STXBP2: variants seen among roughly 807,000 people sequenced by gnomAD.
STXBP2 encodes syntaxin binding protein 2.
Under a neutral mutation model 72.2 loss-of-function variants are expected in STXBP2, and 47 were observed. The observed-to-expected ratio is 0.65, with a 90% CI of 0.51 to 0.83. STXBP2 has a LOEUF of 0.83. Ranked by LOEUF, STXBP2 falls within the 40% of genes least tolerant of loss-of-function variation. The pLI, the probability that STXBP2 is intolerant of heterozygous loss-of-function variation, is 0.00. For missense variants in STXBP2, 702 were observed against 807.6 expected, an observed-to-expected ratio of 0.87 and a Z score of 1.58; for synonymous variants, 367 against 338.7, an observed-to-expected ratio of 1.08 and a Z score of -0.92.
the STXBP2 span, chr19:7,630,728 G>A: frequency 2.4e-5 from 37 of 1,531,574 alleles, no homozygotes; most frequent in South Asian, 3.6e-4. Flanking sequence ...GCAGTCTGCT[G>A]GGGACTAATG....
chr19:7,631,792 C>T, the STXBP2 span: 2,336 of 1,419,004 alleles, frequency 1.6e-3, 23 homozygotes, highest in African/African-American at 0.029. Context: ...GGTCCCAGCT[C>T]GTTTCTGTGC....
At chr19:7,647,113 C>T (rs747946956) in intron 16 of STXBP2, 49 bp from the exon 17 acceptor site, 31 of 1,596,274 alleles carry the variant, frequency 1.9e-5, no homozygotes, top group African/African-American at 5.4e-5. Context: ...CTCCTGACCC[C>T]GGACCCCATG....
upstream of STXBP2, among the ~76,000 whole-genome samples, chr19:7,634,719 C>G (rs1011929379): frequency 6.6e-6 from 1 of 152,184 alleles, no homozygotes; most frequent in Non-Finnish European, 1.5e-5. Flanking sequence ...CCAGAGGCCA[C>G]AGCCTGAAAT....
the STXBP2 span, chr19:7,631,089 T>A: frequency 1.3e-6 from 1 of 741,536 alleles, no homozygotes; most frequent in Non-Finnish European, 2.1e-6. Context: ...GCGCCTATAA[T>A]TCCAGCTGCT....
At position 7,646,487 on chromosome 19, in the gene STXBP2, AG is replaced by A. The variant is rs140484308; in HGVS notation, c.1452+149del. The A allele has an allele frequency of 4.1e-3, 3,400 of 837,464 alleles. 60 individuals carry two copies. The African/African-American group carries it at 0.049, about 12-fold the overall frequency. 51.9% of individuals were successfully genotyped at this position (837,464 alleles called of 1,614,324 possible). A position where few individuals can be genotyped will look rare whatever the true frequency, so the allele number is the denominator to read the frequency against. On this transcript the variant is annotated intron_variant, in intron 16 of 18. Coordinates refer to ENST00000221283, the MANE Select transcript of STXBP2 (RefSeq NM_006949.4). ...CCCTTGGCACCGATCTGCTCTGCTG[AG>A]GGGGGCACGCCAAGCCCGCAGCTGA... is the stretch of plus-strand genomic sequence containing the variant.
In STXBP2 at chr19:7,642,237, T is replaced by C. The variant is rs373830051; in HGVS notation, c.698T>C (p.Met233Thr). Reference protein sequence around the residue: ...PEKTRSQLLIMDRAADPVSPL... With the variant: ...PEKTRSQLLITDRAADPVSPL... ...AAAACCCGCTCCCAGCTGCTGATAA[T>C]GGACCGGGCAGCTGACCCCGTGTCC... The change falls in exon 9 of 19, where the codon ATG (methionine) becomes ACG (threonine). Residue 233 changes from methionine to threonine, a missense_variant. Transcript: ENST00000221283. This position sits in a 1 kb window ranked among gnomAD's most constrained non-coding sequence, Gnocchi z 6.0. 3.1e-6 allele frequency: 5 copies of C among 1,614,126 alleles called. No homozygotes were observed. The highest frequency in any genetic ancestry group is 3.3e-4 in the Middle Eastern group (2 of 6,062).
chr19:7,640,214 GTC>G (rs1458130218), intron 4 of STXBP2: 7 of 547,328 alleles, frequency 1.3e-5, no homozygotes, highest in Admixed American at 1.1e-4. Context: ...GTATGTATGT[GTC>G]TGCGTCTGTG....
chr19:7,631,761 G>A, the STXBP2 span: 1 of 1,429,524 alleles, frequency 7.0e-7, no homozygotes, highest in Non-Finnish European at 9.2e-7. Context: ...CCTGAGGGGT[G>A]AGCAGGGGTT....
chr19:7,645,895 C>T, intron 15 of STXBP2: 2 of 394,272 alleles, frequency 5.1e-6, no homozygotes, highest in Non-Finnish European at 8.9e-6. Flanking sequence ...CCCCTCCCCT[C>T]TCCGTCCCCC....
upstream of STXBP2, among the ~76,000 whole-genome samples, chr19:7,635,651 G>A (rs772359894): frequency 1.3e-5 from 2 of 151,990 alleles, no homozygotes; most frequent in East Asian, 1.9e-4. Flanking sequence ...AGCTATGATC[G>A]TGCCACTGCC....
chr19:7,644,408 A>C, intron 13 of STXBP2: 3 of 595,374 alleles, frequency 5.0e-6, no homozygotes, highest in South Asian at 1.9e-5. Context: ...TGGGTGGGGC[A>C]CTGGAAAGGT....
chr19:7,642,267 T>G lies in STXBP2; in HGVS notation c.728T>G (p.Leu243Arg). ...CGGGCAGCTGACCCCGTGTCCCCAC[T>G]ACTGCATGAGCTCACGTTCCAGGCC... ...MDRAADPVSP[L>R]LHELTFQAMA... The change falls in exon 9 of 19, where the codon CTA (leucine) becomes CGA (arginine). Residue 243 changes from leucine (L) to arginine (R), a missense_variant. Coordinates refer to ENST00000221283, the MANE Select transcript of STXBP2 (RefSeq NM_006949.4). This position sits in a 1 kb window ranked among gnomAD's most constrained non-coding sequence, Gnocchi z 6.0. 1 of 1,614,094 alleles carries G rather than the reference T, an allele frequency of 6.2e-7. No individual in the cohort carries two copies.
chr19:7,642,945 G>A lies in STXBP2; in HGVS notation c.961-38G>A, dbSNP rs182735762. 468 of 1,613,572 alleles carry A rather than the reference G, an allele frequency of 2.9e-4. No individual in the cohort carries two copies. The African/African-American group carries it at 3.0e-3, about 10-fold the overall frequency. On this transcript the variant is annotated intron_variant, in intron 11 of 18. Coordinates refer to ENST00000221283, the MANE Select transcript of STXBP2 (RefSeq NM_006949.4). The surrounding 1 kb of genome is among the most constrained non-coding windows in gnomAD (Gnocchi z 6.0). ...ACCCAGGTGGGCACTGCCTGGCTTC[G>A]CCCCCCAATCCCTACCCTCTTCCCC...
intron 1 of STXBP2, 127 bp from the exon 2 acceptor site, chr19:7,638,599 T>A: frequency 1.0e-6 from 1 of 992,736 alleles, no homozygotes; most frequent in Non-Finnish European, 1.5e-6. Context: ...GAGATCCTCC[T>A]CTCTTAAAAA....
chr19:7,640,996 AGGCCCAGGTACGGCCCG>A lies in STXBP2; in HGVS notation c.426_429+13del, dbSNP rs778474444. 4 of 1,613,980 alleles carry A rather than the reference AGGCCCAGGTACGGCCCG, an allele frequency of 2.5e-6. No individual in the cohort carries two copies. Among genetic ancestry groups the A allele is most frequent in the Non-Finnish European group, 3.4e-6 (4 of 1,180,006 alleles). On this transcript the variant is annotated splice_donor_variant and splice_donor_5th_base_variant and coding_sequence_variant and intron_variant, in exon 6 of 19. Coordinates refer to ENST00000221283, the MANE Select transcript of STXBP2 (RefSeq NM_006949.4). LOFTEE classifies it high-confidence loss of function. ...ATTCACCTTGCCTTCCTCCCCTACG[AGGCCCAGGTACGGCCCG>A]GGCTCATCCTGGGCAGGGGGTGGGG...
chr19:7,642,380 C>T lies in STXBP2; in HGVS notation c.794+47C>T. 6.2e-7 allele frequency: 1 copy of T among 1,613,006 alleles called. No individual in the cohort carries two copies. Among genetic ancestry groups the T allele is most frequent in the East Asian group, 2.2e-5 (1 of 44,874 alleles). ...CCCCACCCTTGCCACTGACCTGGTT[C>T]CCCAGTCCTCAGCTCCCCTGACCCC... is the stretch of plus-strand genomic sequence containing the variant. On this transcript the variant is annotated intron_variant, in intron 9 of 18. Coordinates refer to ENST00000221283, the MANE Select transcript of STXBP2 (RefSeq NM_006949.4). This position sits in a 1 kb window ranked among gnomAD's most constrained non-coding sequence, Gnocchi z 6.0.
chr19:7,633,136 A>G (rs1273789823), upstream of STXBP2: 2 of 415,688 alleles, frequency 4.8e-6, no homozygotes, highest in African/African-American at 4.3e-5. Flanking sequence ...GTGGCCTGGG[A>G]GCTGGGACAC....
chr19:7,631,387 G>A, the STXBP2 span: 1 of 1,340,890 alleles, frequency 7.5e-7, no homozygotes, highest in East Asian at 2.6e-5. Flanking sequence ...GCAGGGTGGT[G>A]GGAGAGGTGG....
At chr19:7,646,829 A>C (rs560066167) in intron 16 of STXBP2, 88 of 460,928 alleles carry the variant, frequency 1.9e-4, no homozygotes, top group African/African-American at 1.6e-3. Context: ...GAGCCCAGAC[A>C]CTGGGTTCCC....
Sources: allele counts gnomAD v4.1 joint callset (sites outside exome capture counted in the v4.1 genomes callset), GRCh38; gene constraint gnomAD v4.1.1; non-coding constraint Gnocchi (gnomAD v3.1); transcripts MANE v1.5; gene names NCBI Gene and HGNC (gene_info 2026-07-23, HGNC 2026-07-21).